Variants in JAK2 observed in about 807,000 individuals in gnomAD.
JAK2 encodes tyrosine-protein kinase JAK2.
Under a neutral mutation model 139.3 loss-of-function variants are expected in JAK2, and 86 were observed. The ratio of observed to expected loss-of-function variants is 0.62; its 90% CI spans 0.52 to 0.74. The LOEUF is 0.74. JAK2 is among the 30% of genes least tolerant of loss of function. JAK2 has a pLI of 0.00. For missense variants in JAK2, 1,421 were observed against 1,360.3 expected, an observed-to-expected ratio of 1.04 and a Z score of -0.70; for synonymous variants, 490 against 437.7, an observed-to-expected ratio of 1.12 and a Z score of -1.49.
chr9:5,031,350 A>C (rs1381721227), intron 4 of JAK2, among the ~76,000 whole-genome samples: 1 of 152,214 alleles, frequency 6.6e-6, no homozygotes, highest in African/African-American at 2.4e-5. Flanking sequence ...AAGCCACATA[A>C]TTAAATTCAG....
intron 12 of JAK2, among the ~76,000 whole-genome samples, chr9:5,070,905 C>G (rs10815151): frequency 6.6e-6 from 1 of 151,882 alleles, no homozygotes; most frequent in African/African-American, 2.4e-5. Flanking sequence ...TGCAAGGCCA[C>G]GAGTTAAAAG....
At chr9:5,056,264 T>G (rs1324878989) in intron 8 of JAK2, among the ~76,000 whole-genome samples, 1 of 152,066 alleles carries the variant, frequency 6.6e-6, no homozygotes, top group African/African-American at 2.4e-5. Flanking sequence ...TCTAAAAGAT[T>G]AACGCTTTCT....
In JAK2 at chr9:5,054,428, C is replaced by G. The variant is rs764743835; in HGVS notation, c.615-135C>G. The stretch of plus-strand genomic sequence containing the variant: ...ACTGTATGGATGGGGGTTATGTCAA[C>G]TTACGCCACTTGGCCACTGTGTTGT... On this transcript the variant is annotated intron_variant, in intron 6 of 24. Transcript: ENST00000381652. The surrounding 1 kb of genome is among the most constrained non-coding windows in gnomAD (Gnocchi z 4.9). 7.6e-6 allele frequency: 5 copies of G among 657,990 alleles called. No homozygotes were observed. The highest frequency in any genetic ancestry group is 1.3e-5 in the Non-Finnish European group (5 of 380,106). 40.8% of individuals were successfully genotyped at this position (657,990 alleles called of 1,614,324 possible). A position where few individuals can be genotyped will look rare whatever the true frequency, so the allele number is the denominator to read the frequency against.
At chr9:5,091,756 T>G (rs1011955011) in intron 22 of JAK2, among the ~76,000 whole-genome samples, 10 of 152,134 alleles carry the variant, frequency 6.6e-5, no homozygotes, top group African/African-American at 2.4e-4. Flanking sequence ...ATGAATAGGC[T>G]TAAGTCGGGG....
At position 5,037,511 on chromosome 9, in the gene JAK2, G is replaced by GATTCCAT. The variant is rs1280669549; in HGVS notation, c.351-6892_351-6891insATTCCAT. ...AGAAAATGTGGCACATATACACCAT[G>GATTCCAT]GAATACTGTGCAGCCATGAAAAATG... On this transcript the variant is annotated intron_variant, in intron 4 of 24. Coordinates refer to ENST00000381652, the MANE Select transcript of JAK2 (RefSeq NM_004972.4). 2.0e-5 allele frequency among the ~76,000 whole-genome samples: 3 copies of GATTCCAT among 152,192 alleles called. No individual in the cohort carries two copies. In the East Asian group the frequency reaches 5.8e-4, roughly 29 times the overall value.
intron 22 of JAK2, chr9:5,096,710 C>G (rs899831526): frequency 2.0e-5 from 3 of 152,264 alleles, no homozygotes; most frequent in African/African-American, 4.8e-5. Context: ...ACAAAGCTAT[C>G]GGAACACTAT....
At chr9:5,071,453 A>G (rs1170928869) in intron 12 of JAK2, among the ~76,000 whole-genome samples, 1 of 152,214 alleles carries the variant, frequency 6.6e-6, no homozygotes, top group East Asian at 1.9e-4. Flanking sequence ...AAATAACAAG[A>G]CATTGTTTTA....
intron 14 of JAK2, among the ~76,000 whole-genome samples, chr9:5,075,961 A>C (rs2130572440): frequency 6.6e-6 from 1 of 152,280 alleles, no homozygotes; most frequent in Non-Finnish European, 1.5e-5. Flanking sequence ...GAAAAAGTTC[A>C]TTCTAACCCT....
At chr9:5,066,883 G>C in intron 10 of JAK2, 94 bp downstream of exon 10, 1 of 490,904 alleles carries the variant, frequency 2.0e-6, no homozygotes, top group Non-Finnish European at 3.4e-6. Flanking sequence ...TTAATACTGA[G>C]AATTATAGCT....
chr9:5,078,988 A>G (rs540170240), intron 16 of JAK2, among the ~76,000 whole-genome samples: 32 of 152,330 alleles, frequency 2.1e-4, no homozygotes, highest in Non-Finnish European at 2.9e-5. Context: ...GATAATTATA[A>G]CTGAATTTTG....
intron 12 of JAK2, among the ~76,000 whole-genome samples, chr9:5,071,662 C>A (rs1382750655): frequency 6.6e-6 from 1 of 152,034 alleles, no homozygotes; most frequent in African/African-American, 2.4e-5. Context: ...GATTAAGTGG[C>A]ATGGAAGGCA....
intron 4 of JAK2, among the ~76,000 whole-genome samples, chr9:5,043,899 A>G (rs940141020): frequency 1.3e-5 from 2 of 152,232 alleles, no homozygotes; most frequent in African/African-American, 4.8e-5. Flanking sequence ...TGCTATGAAT[A>G]AACTAAAAAC....
intron 14 of JAK2, among the ~76,000 whole-genome samples, chr9:5,074,172 A>G (rs1819155053): frequency 6.6e-6 from 1 of 152,252 alleles, no homozygotes; most frequent in East Asian, 1.9e-4. Flanking sequence ...TTTTAATGGA[A>G]CTGACAGAAA....
chr9:4,993,958 G>A (rs1234360028), intron 2 of JAK2, among the ~76,000 whole-genome samples: 1 of 152,180 alleles, frequency 6.6e-6, no homozygotes, highest in African/African-American at 2.4e-5. Flanking sequence ...GATCATGTAT[G>A]GATGAGTGTG....
At chr9:5,005,117 TTTTTTTTTTTTTTTTA>T (rs1821207912) in intron 2 of JAK2, among the ~76,000 whole-genome samples, 14 of 61,426 alleles carry the variant, frequency 2.3e-4, no homozygotes, top group South Asian at 5.3e-4. Flanking sequence ...TTTTTTTTTT[TTTTTTTTTTTTTTTTA>T]GGTACAGGGT....
At chr9:5,106,205 GA>G (rs1230134142) in intron 22 of JAK2, among the ~76,000 whole-genome samples, 1 of 151,578 alleles carries the variant, frequency 6.6e-6, no homozygotes, top group African/African-American at 2.4e-5. Flanking sequence ...AAATTTACAA[GA>G]AAAAAACAAC....
At chr9:5,004,789 T>C (rs1442719611) in intron 2 of JAK2, among the ~76,000 whole-genome samples, 2 of 152,222 alleles carry the variant, frequency 1.3e-5, no homozygotes, top group Non-Finnish European at 1.5e-5. Flanking sequence ...TCACCAATGC[T>C]TGTTATCCTT....
In JAK2 at chr9:5,128,807, G is replaced by A. The variant is rs1217229939; in HGVS notation, c.*2016G>A. ...ACCCTGTAGTTATTAAGTTGGTTCT[G>A]TACAAGAAACAGGTAAGTAATTATT... is the stretch of plus-strand genomic sequence containing the variant. On this transcript the variant is annotated 3_prime_UTR_variant, in exon 25 of 25. Transcript: ENST00000381652. Among the ~76,000 whole-genome samples the A allele has an allele frequency of 6.6e-6, 1 of 151,844 alleles. No individual in the cohort carries two copies. The highest frequency in any genetic ancestry group is 1.9e-4 in the East Asian group (1 of 5,192).
In JAK2 at chr9:5,054,903, T is replaced by G; in HGVS notation, c.936+19T>G. On this transcript the variant is annotated intron_variant, in intron 7 of 24. Coordinates refer to ENST00000381652, the MANE Select transcript of JAK2 (RefSeq NM_004972.4). This position sits in a 1 kb window ranked among gnomAD's most constrained non-coding sequence, Gnocchi z 4.9. ...AGAACAGGTAATCCTTAATGATATG[T>G]TCTTGTTCTTTGTTATTTTAAGTAC... The G allele has an allele frequency of 6.7e-7, 1 of 1,498,014 alleles. No individual in the cohort carries two copies. The highest frequency in any genetic ancestry group is 9.0e-7 in the Non-Finnish European group (1 of 1,105,186). 92.8% of individuals were successfully genotyped at this position (1,498,014 alleles called of 1,614,324 possible).
Sources: allele counts gnomAD v4.1 joint callset (sites outside exome capture counted in the v4.1 genomes callset), GRCh38; gene constraint gnomAD v4.1.1; non-coding constraint Gnocchi (gnomAD v3.1); transcripts MANE v1.5; gene names NCBI Gene and HGNC (gene_info 2026-07-23, HGNC 2026-07-21).